PCNX2: variants seen among roughly 807,000 people sequenced by gnomAD.
PCNX2 encodes the protein pecanex-like protein 2.
PCNX2 carries 168 observed loss-of-function variants against 223.8 expected under a neutral mutation model. The observed-to-expected ratio is 0.75, with a 90% CI of 0.66 to 0.85. The LOEUF (loss-of-function observed/expected upper bound fraction) is 0.85. Ranked by LOEUF, PCNX2 falls within the 40% of genes least tolerant of loss-of-function variation. The pLI, the probability that PCNX2 is intolerant of heterozygous loss-of-function variation, is 0.00. For missense variants in PCNX2, 2,507 were observed against 2,675.5 expected, an observed-to-expected ratio of 0.94 and a Z score of 1.39; for synonymous variants, 1,006 against 1,052.6, an observed-to-expected ratio of 0.96 and a Z score of 0.86.
At chr1:233,283,107 A>T (rs752847476) in intron 1 of PCNX2, among the ~76,000 whole-genome samples, 2 of 131,012 alleles carry the variant, frequency 1.5e-5, no homozygotes, top group Non-Finnish European at 1.7e-5. Context: ...GGGAGTAGTA[A>T]TTCGTGTATA....
At chr1:233,200,075 C>T in intron 14 of PCNX2, 79 bp downstream of exon 14, 1 of 1,149,020 alleles carries the variant, frequency 8.7e-7, no homozygotes, top group South Asian at 1.6e-5. Flanking sequence ...ACTAGCCTCT[C>T]ATCTCCTGCC....
Position 233,102,898 on chromosome 1 carries a change from G to A in PCNX2, c.3838-7035C>T, listed in dbSNP as rs74823884. 1.2e-3 allele frequency among the ~76,000 whole-genome samples: 181 copies of A among 152,050 alleles called. 3 individuals are homozygous for A. The East Asian group carries it at 0.025, about 21-fold the overall frequency. ...AATCCCATTTCTCAATTTTGGCCTC[G>A]GTTGTCTGTGCTTTTGAGGCCTTAC... On this transcript the variant is annotated intron_variant, in intron 21 of 33. Coordinates refer to ENST00000258229, the MANE Select transcript of PCNX2 (RefSeq NM_014801.4).
In PCNX2 at chr1:233,153,080, G is replaced by C. The variant is rs776078691; in HGVS notation, c.3517+7203C>G. 2.0e-5 allele frequency among the ~76,000 whole-genome samples: 3 copies of C among 152,136 alleles called. No homozygotes were observed. In the East Asian group the frequency reaches 5.8e-4, roughly 29 times the overall value. Reference sequence around the variant, plus strand: ...AAAAACCTAGTCACAAACAAAAGACGAAGAGTCAAAAAACCTCAGACTTTC... The same window carrying C: ...AAAAACCTAGTCACAAACAAAAGACCAAGAGTCAAAAAACCTCAGACTTTC... On this transcript the variant is annotated intron_variant, in intron 19 of 33. Transcript: ENST00000258229.
At chr1:233,208,713 A>C in intron 12 of PCNX2, 24 bp from the exon 13 acceptor site, 1 of 1,601,760 alleles carries the variant, frequency 6.2e-7, no homozygotes. Flanking sequence ...ACAATTTCTG[A>C]ATGGTACCTC....
Position 232,984,388 on chromosome 1 carries a change from G to A in PCNX2, c.6330C>T (p.Leu2110=), listed in dbSNP as rs546050792. The part of the protein sequence containing the change: ...RCLAEAVADT[L]GVVCRRASQE... ...GGCTTGCTCTCCTGCAGACAACCCC[G>A]AGAGTGTCCGCCACAGCCTCAGCCA... The change falls in exon 34 of 34, where the codon CTC becomes CTT. Residue 2110 remains leucine, a synonymous_variant. Coordinates refer to ENST00000258229, the MANE Select transcript of PCNX2 (RefSeq NM_014801.4). 1.1e-5 allele frequency: 17 copies of A among 1,613,636 alleles called. No homozygotes were observed. Among genetic ancestry groups the A allele is most frequent in the South Asian group, 2.2e-5 (2 of 91,060 alleles).
chr1:232,986,074 C>T lies in PCNX2; in HGVS notation c.6240+18G>A, dbSNP rs545737854. 350 of 1,553,008 alleles carry T rather than the reference C, an allele frequency of 2.3e-4. 3 individuals are homozygous for T. In the South Asian group the frequency reaches 4.0e-3, roughly 18 times the overall value. On this transcript the variant is annotated intron_variant, in intron 33 of 33. Coordinates refer to ENST00000258229, the MANE Select transcript of PCNX2 (RefSeq NM_014801.4). ...CACCATCCCAGCCTGTCCTGGTGAG[C>T]CCTGCCCAGCCCCTTACCCGAGTGG...
In PCNX2 at chr1:233,253,682, A is replaced by T. The variant is rs968370253; in HGVS notation, c.1835-894T>A. ...AACAATATGCTTAGCACTGTGTAGGACACAGAGAGCTACAATACCTATTCC... is the reference window on the plus strand; with the variant it reads ...AACAATATGCTTAGCACTGTGTAGGTCACAGAGAGCTACAATACCTATTCC... On this transcript the variant is annotated intron_variant, in intron 5 of 33. Transcript: ENST00000258229. The surrounding 1 kb of genome is among the most constrained non-coding windows in gnomAD (Gnocchi z 4.2). 6.6e-6 allele frequency among the ~76,000 whole-genome samples: 1 copy of T among 152,212 alleles called. No homozygotes were observed. Among genetic ancestry groups the T allele is most frequent in the Non-Finnish European group, 1.5e-5 (1 of 68,040 alleles).
At chr1:232,989,181 A>G (rs558397400) in intron 32 of PCNX2, among the ~76,000 whole-genome samples, 7 of 151,796 alleles carry the variant, frequency 4.6e-5, no homozygotes, top group African/African-American at 9.7e-5. Context: ...TCGGCCGGGC[A>G]CGGTGGCTCA....
intron 21 of PCNX2, among the ~76,000 whole-genome samples, chr1:233,109,721 T>C (rs923539528): frequency 6.6e-6 from 1 of 152,186 alleles, no homozygotes; most frequent in African/African-American, 2.4e-5. Flanking sequence ...TAGGCATGTT[T>C]TGAACCTCAG....
At chr1:233,183,938 A>G (rs1399122935) in intron 15 of PCNX2, among the ~76,000 whole-genome samples, 1 of 152,218 alleles carries the variant, frequency 6.6e-6, no homozygotes, top group East Asian at 1.9e-4. Flanking sequence ...TGGCTCTTCC[A>G]TCCTTACATT....
At chr1:233,281,281 G>A (rs1170993122) in intron 1 of PCNX2, among the ~76,000 whole-genome samples, 1 of 152,158 alleles carries the variant, frequency 6.6e-6, no homozygotes, top group East Asian at 1.9e-4. Context: ...CAAAAGACAA[G>A]TCTAGCCTAG....
intron 19 of PCNX2, among the ~76,000 whole-genome samples, chr1:233,158,594 G>T (rs1179971164): frequency 6.6e-6 from 1 of 152,138 alleles, no homozygotes; most frequent in Non-Finnish European, 1.5e-5. Context: ...AAATGTGTAG[G>T]TTACAAACAG....
intron 10 of PCNX2, among the ~76,000 whole-genome samples, chr1:233,221,379 T>C (rs1657369024): frequency 2.0e-5 from 3 of 151,642 alleles, no homozygotes; most frequent in Admixed American, 2.0e-4. Flanking sequence ...AAATAAAATT[T>C]CAAAGAAAAA....
rs116595919 is a variant in PCNX2, at chr1:233,158,043, A to G, written c.3517+2240T>C. Among the ~76,000 whole-genome samples, 1,421 of 152,242 alleles carry G rather than the reference A, an allele frequency of 9.3e-3. 19 individuals are homozygous for G. Among genetic ancestry groups the G allele is most frequent in the African/African-American group, 0.033 (1,353 of 41,538 alleles). On this transcript the variant is annotated intron_variant, in intron 19 of 33. Transcript: ENST00000258229. ...CATCCTCCGAGAGGGGAAGTCAGAA[A>G]CACAAACACACTCACTTTACTTGTT...
chr1:233,012,952 T>G lies in PCNX2; in HGVS notation c.4952+1713A>C, dbSNP rs113039063. Among the ~76,000 whole-genome samples, 908 of 152,328 alleles carry G rather than the reference T, an allele frequency of 6.0e-3. 11 individuals carry two copies. The highest frequency in any genetic ancestry group is 0.021 in the African/African-American group (875 of 41,578). On this transcript the variant is annotated intron_variant, in intron 28 of 33. Transcript: ENST00000258229. ...GAAGCCCTTCTCAAACACTGTTCTC[T>G]GCTTACAGTTTAATAAGGAGCCCGA...
intron 1 of PCNX2, chr1:233,288,762 G>T: frequency 1.6e-6 from 1 of 626,662 alleles, no homozygotes; most frequent in South Asian, 2.2e-5. Flanking sequence ...GAGGGACTGA[G>T]TCTGTAGTTC....
intron 30 of PCNX2, 77 bp from the exon 31 acceptor site, chr1:232,999,456 T>C (rs566446709): frequency 1.8e-3 from 2,268 of 1,261,310 alleles, no homozygotes; most frequent in Non-Finnish European, 2.2e-3. Flanking sequence ...CTTTTTCTTT[T>C]TTTTTTTTTT....
intron 21 of PCNX2, among the ~76,000 whole-genome samples, chr1:233,119,894 C>T (rs967710656): frequency 3.9e-5 from 6 of 152,076 alleles, no homozygotes; most frequent in East Asian, 3.9e-4. Flanking sequence ...GGGCTGGGCG[C>T]GGTGGCTAAT....
chr1:233,191,933 T>C (rs904086037), intron 15 of PCNX2, among the ~76,000 whole-genome samples: 1 of 152,194 alleles, frequency 6.6e-6, no homozygotes, highest in African/African-American at 2.4e-5. Flanking sequence ...GTCCCAGGCA[T>C]TTCTTCATAT....
Sources: gnomAD v4.1 joint callset for allele counts (sites outside exome capture counted in the v4.1 genomes callset) on GRCh38, gnomAD v4.1.1 for gene constraint, Gnocchi (gnomAD v3.1) non-coding constraint, MANE v1.5 for transcripts, NCBI Gene and HGNC (gene_info 2026-07-23, HGNC 2026-07-21) for gene names.